AP1B1: variants seen among roughly 807,000 people sequenced by gnomAD.
AP1B1 encodes the protein AP-1 complex subunit beta-1.
In AP1B1, 36 loss-of-function variants were observed where a neutral mutation model predicts 104.3. The observed-to-expected ratio is 0.35, with a 90% CI of 0.26 to 0.46. The LOEUF (loss-of-function observed/expected upper bound fraction) is 0.46. AP1B1 is among the 20% of genes least tolerant of loss of function. The probability of loss-of-function intolerance (pLI) is 1.00; values close to 1 mark genes in which losing one functional copy is unlikely to be tolerated. For missense variants in AP1B1, 901 were observed against 1,247.9 expected (o/e 0.72, Z 4.19); for synonymous variants, 504 against 517.5 (o/e 0.97, Z 0.35).
At chr22:29,355,722 C>A (rs1305798148) in intron 6 of AP1B1, among the ~76,000 whole-genome samples, 1 of 151,966 alleles carries the variant, frequency 6.6e-6, no homozygotes, top group African/African-American at 2.4e-5. Flanking sequence ...ATGGAGAAAA[C>A]CTGTCTCTAT....
Position 29,330,542 on chromosome 22 carries a change from C to T in AP1B1, c.2612-10G>A. The T allele has an allele frequency of 6.2e-7, 1 of 1,609,974 alleles. No individual in the cohort carries two copies. Among genetic ancestry groups the T allele is most frequent in the South Asian group, 1.1e-5 (1 of 91,016 alleles). On this transcript the variant is annotated splice_polypyrimidine_tract_variant and intron_variant, in intron 20 of 22. Coordinates refer to ENST00000357586, the MANE Select transcript of AP1B1 (RefSeq NM_001127.4). ...TTGCTGCTCGCAGCCTCTGTGGGGTCACATGGCCGTGAGAGGCCCCAGTCA... is the reference window on the plus strand; with the variant it reads ...TTGCTGCTCGCAGCCTCTGTGGGGTTACATGGCCGTGAGAGGCCCCAGTCA...
chr22:29,369,112 C>G (rs542003116), intron 1 of AP1B1, among the ~76,000 whole-genome samples: 2 of 152,198 alleles, frequency 1.3e-5, no homozygotes, highest in Admixed American at 1.3e-4. Flanking sequence ...AATAACCCAC[C>G]AATATCTCCT....
chr22:29,334,223 G>T, intron 17 of AP1B1, 42 bp downstream of exon 17: 1 of 1,526,246 alleles, frequency 6.6e-7, no homozygotes. Context: ...TTCTCTCACA[G>T]GCCTCCTCTT....
Position 29,359,942 on chromosome 22 carries a change from A to G in AP1B1, c.161T>C (p.Val54Ala). ...GKDVSALFPD[V>A]VNCMQTDNLE... ...GTTGTCCGTCTGCATGCAGTTGACCACATCGGGGAAGAGGGCACTGGAAGG... is the reference window on the plus strand; with the variant it reads ...GTTGTCCGTCTGCATGCAGTTGACCGCATCGGGGAAGAGGGCACTGGAAGG... Residue 54 changes from valine to alanine, a missense_variant, in exon 4 of 23, where the codon GTG becomes GCG. Physicochemically the swap from Val to Ala is moderately conservative, Grantham distance 64. Coordinates refer to ENST00000357586, the MANE Select transcript of AP1B1 (RefSeq NM_001127.4). 6.2e-7 allele frequency: 1 copy of G among 1,613,244 alleles called. No individual in the cohort carries two copies. The highest frequency in any genetic ancestry group is 8.5e-7 in the Non-Finnish European group (1 of 1,179,608).
chr22:29,371,543 A>AAC (rs1009513122), intron 1 of AP1B1, among the ~76,000 whole-genome samples: 15 of 152,194 alleles, frequency 9.9e-5, no homozygotes, highest in Non-Finnish European at 1.8e-4. Context: ...CATCCTGGCT[A>AAC]ACATGGTGAA....
intron 21 of AP1B1, chr22:29,330,048 A>G: frequency 7.1e-7 from 1 of 1,406,044 alleles, no homozygotes; most frequent in Non-Finnish European, 9.2e-7. Context: ...CTGGACATGC[A>G]GGCACTCACA....
At chr22:29,344,696 T>C (rs1387039523) in intron 11 of AP1B1, among the ~76,000 whole-genome samples, 1 of 151,878 alleles carries the variant, frequency 6.6e-6, no homozygotes, top group East Asian at 1.9e-4. Context: ...GGCTAATTTT[T>C]GTATTTTTAG....
At chr22:29,356,147 G>A (rs763870748) in intron 6 of AP1B1, among the ~76,000 whole-genome samples, 22 of 152,220 alleles carry the variant, frequency 1.4e-4, no homozygotes, top group Non-Finnish European at 2.9e-4. Context: ...TGGCTCTGGC[G>A]CTACCCACCT....
chr22:29,370,575 G>T (rs1174199067), intron 1 of AP1B1: 1 of 152,194 alleles, frequency 6.6e-6, no homozygotes, highest in Non-Finnish European at 1.5e-5. Context: ...AAAGCCGTCA[G>T]AGCCTGTCCC....
chr22:29,340,919 C>A, intron 13 of AP1B1, 62 bp from the exon 14 acceptor site: 1 of 1,502,714 alleles, frequency 6.7e-7, no homozygotes, highest in East Asian at 2.4e-5. Flanking sequence ...AAAGAGACCC[C>A]AGCCTCCAGG....
At chr22:29,346,341 C>T (rs1247370185) in intron 11 of AP1B1, among the ~76,000 whole-genome samples, 1 of 152,164 alleles carries the variant, frequency 6.6e-6, no homozygotes, top group Non-Finnish European at 1.5e-5. Flanking sequence ...CAGCGGTTCC[C>T]AGCCTTTGTG....
At chr22:29,356,195 T>C in intron 6 of AP1B1, among the ~76,000 whole-genome samples, 1 of 152,234 alleles carries the variant, frequency 6.6e-6, no homozygotes, top group East Asian at 1.9e-4. Context: ...TTCTGCCAGC[T>C]CCAAGGCCAG....
chr22:29,356,732 A>G (rs887828110), intron 5 of AP1B1, 116 bp from the exon 6 acceptor site: 21 of 1,003,050 alleles, frequency 2.1e-5, no homozygotes, highest in African/African-American at 1.6e-4. Context: ...ATATGACCCA[A>G]TGGGCAGGGT....
intron 19 of AP1B1, 99 bp downstream of exon 19, chr22:29,331,350 A>G: frequency 8.5e-7 from 1 of 1,179,294 alleles, no homozygotes; most frequent in East Asian, 2.3e-5. Context: ...ATTTACGGGC[A>G]AGGCAGTCCA....
chr22:29,349,310 T>C lies in AP1B1; in HGVS notation c.1345A>G (p.Ile449Val). The change falls in exon 11 of 23, where the codon ATC (isoleucine) becomes GTC (valine). Residue 449 changes from isoleucine (I) to valine (V), a missense_variant. Ile to Val is a conservative substitution (Grantham distance 29, BLOSUM62 3). Transcript: ENST00000357586. ...LDEPEARAAM[I>V]WIVGEYAERI... is the part of the protein sequence containing the mutation. ...TCCGCGTACTCGCCCACAATCCAGA[T>C]CATGGCAGCCCGGGCCTCAGGCTCA... is the stretch of plus-strand genomic sequence containing the variant. 6.2e-7 allele frequency: 1 copy of C among 1,614,098 alleles called. No individual in the cohort carries two copies. Among genetic ancestry groups the C allele is most frequent in the South Asian group, 1.1e-5 (1 of 91,086 alleles).
intron 13 of AP1B1, 53 bp downstream of exon 13, chr22:29,341,448 A>C (rs970608681): frequency 6.3e-7 from 1 of 1,578,958 alleles, no homozygotes; most frequent in African/African-American, 1.3e-5. Flanking sequence ...CTGTGCTGCT[A>C]AACTGGGGAA....
Position 29,331,515 on chromosome 22 carries a change from T to C in AP1B1, c.2458A>G (p.Ile820Val). ...AAGGTGCTGAAGTAGAAGACATCGA[T>C]GTTGTTCTTCACGGCCACCTAGGCA... Reference protein sequence around the residue: ...NNLQVAVKNNIDVFYFSTLYP... With the variant: ...NNLQVAVKNNVDVFYFSTLYP... The change falls in exon 19 of 23, where the codon ATC (isoleucine) becomes GTC (valine). Residue 820 changes from isoleucine (I) to valine (V), a missense_variant. Coordinates refer to ENST00000357586, the MANE Select transcript of AP1B1 (RefSeq NM_001127.4). 2 of 1,614,120 alleles carry C rather than the reference T, an allele frequency of 1.2e-6. No homozygotes were observed. Among genetic ancestry groups the C allele is most frequent in the South Asian group, 1.1e-5 (1 of 91,080 alleles).
chr22:29,380,043 A>C (rs1232120261), intron 1 of AP1B1, among the ~76,000 whole-genome samples: 3 of 152,192 alleles, frequency 2.0e-5, no homozygotes, highest in Admixed American at 2.0e-4. Flanking sequence ...GGAAGGAAGA[A>C]TGAGATTCAG....
In AP1B1 at chr22:29,354,814, A is replaced by T. The variant is rs767040426; in HGVS notation, c.774T>A (p.Ser258=). The T allele has an allele frequency of 6.8e-6, 11 of 1,614,148 alleles. No homozygotes were observed. Among genetic ancestry groups the T allele is most frequent in the Non-Finnish European group, 9.3e-6 (11 of 1,180,038 alleles). Residue 258 remains serine (S), a synonymous_variant, in exon 7 of 23, where the codon TCT becomes TCA. Transcript: ENST00000357586. ...LSHANSAVVL[S]AVKVLMKFME... ...TGAACTTCATCAGCACCTTCACAGC[A>T]GAGAGCACCACAGCGGAGTTGGCAT... is the stretch of plus-strand genomic sequence containing the variant.
Sources: allele counts gnomAD v4.1 joint callset (sites outside exome capture counted in the v4.1 genomes callset), GRCh38; gene constraint gnomAD v4.1.1; transcripts MANE v1.5; gene names NCBI Gene and HGNC (gene_info 2026-07-23, HGNC 2026-07-21).